DACH2: variants seen among roughly 807,000 people sequenced by gnomAD.
DACH2 encodes the protein dachshund family transcription factor 2, also known as dachshund homolog 2.
DACH2 carries 17 observed loss-of-function variants against 35.8 expected under a neutral mutation model. That is an observed-to-expected ratio of 0.48 (90% CI 0.33 to 0.71). DACH2 has a LOEUF of 0.71. DACH2 is among the 30% of genes least tolerant of loss of function. DACH2 has a pLI of 0.02. For missense variants in DACH2, 469 were observed against 472.7 expected, an observed-to-expected ratio of 0.99 and a Z score of 0.07; for synonymous variants, 195 against 177.3, an observed-to-expected ratio of 1.10 and a Z score of -0.79.
chrX:86,569,514 A>G (rs1222164880), intron 3 of DACH2, among the ~76,000 whole-genome samples: 1 of 111,467 alleles, frequency 9.0e-6, no homozygotes, highest in Non-Finnish European at 1.9e-5. Flanking sequence ...TGAGCTCCAG[A>G]TTATACGTTC....
At chrX:86,680,809 A>AT (rs1043887869) in intron 4 of DACH2, among the ~76,000 whole-genome samples, 5 of 108,524 alleles carry the variant, frequency 4.6e-5, no homozygotes, top group Non-Finnish European at 9.6e-5. Context: ...ATGGCTGGCT[A>AT]TTTTTTTAAT....
chrX:86,291,980 G>C (rs2034308653), intron 1 of DACH2, among the ~76,000 whole-genome samples: 2 of 69,236 alleles, frequency 2.9e-5, no homozygotes, highest in South Asian at 8.7e-4. Flanking sequence ...CTATTGATTG[G>C]AATAGTTTCA....
chrX:86,274,638 G>T (rs866509209), intron 1 of DACH2, among the ~76,000 whole-genome samples: 164 of 107,621 alleles, frequency 1.5e-3, no homozygotes, highest in Middle Eastern at 0.014. Flanking sequence ...GGGACTACAG[G>T]TGCCTGCCAC....
chrX:86,755,658 C>T lies in DACH2; in HGVS notation c.1240+15776C>T, dbSNP rs922765593. Among the ~76,000 whole-genome samples, 34 of 98,910 alleles carry T rather than the reference C, an allele frequency of 3.4e-4. 1 individual carries two copies. The highest frequency in any genetic ancestry group is 0.011 in the Middle Eastern group (2 of 185). The allele number at this position is 98,910 out of a possible 115,157, so 85.9% of individuals were successfully genotyped here. A position where few individuals can be genotyped will look rare whatever the true frequency, so the allele number is the denominator to read the frequency against. ...TGTCGCCCAGGCTGGAGTGCAGTGA[C>T]GTGATCTCGGCTCACTGCAAGCTCT... On this transcript the variant is annotated intron_variant, in intron 7 of 11. Transcript: ENST00000373125.
At chrX:86,533,807 C>A (rs1003699760) in intron 3 of DACH2, among the ~76,000 whole-genome samples, 6 of 111,311 alleles carry the variant, frequency 5.4e-5, no homozygotes, top group Non-Finnish European at 1.1e-4. Flanking sequence ...GCCATTACTT[C>A]TATGCCATTT....
At chrX:86,411,876 A>G (rs1206823525) in intron 2 of DACH2, among the ~76,000 whole-genome samples, 1 of 110,971 alleles carries the variant, frequency 9.0e-6, no homozygotes, top group Non-Finnish European at 1.9e-5. Flanking sequence ...TTTCCCTGGT[A>G]ACATGACCCA....
At chrX:86,699,413 T>C (rs1170490530) in intron 5 of DACH2, among the ~76,000 whole-genome samples, 1 of 111,698 alleles carries the variant, frequency 9.0e-6, no homozygotes, top group Non-Finnish European at 1.9e-5. Flanking sequence ...CTCACAATCA[T>C]GGTGGAAGGC....
At chrX:86,405,540 A>G (rs1170221693) in intron 2 of DACH2, among the ~76,000 whole-genome samples, 1 of 111,404 alleles carries the variant, frequency 9.0e-6, no homozygotes, top group Non-Finnish European at 1.9e-5. Flanking sequence ...AAGCCATTCA[A>G]CAAGTCTCTA....
At chrX:86,774,838 G>C (rs1394963353) in intron 7 of DACH2, among the ~76,000 whole-genome samples, 1 of 112,112 alleles carries the variant, frequency 8.9e-6, no homozygotes, top group East Asian at 2.8e-4. Context: ...TTGTGCGTCA[G>C]TGATGAATAT....
At chrX:86,300,235 G>A (rs1007379453) in intron 1 of DACH2, among the ~76,000 whole-genome samples, 3 of 106,921 alleles carry the variant, frequency 2.8e-5, no homozygotes, top group African/African-American at 1.0e-4. Flanking sequence ...ACTTCTTTGC[G>A]AAAAAAAAAA....
intron 6 of DACH2, among the ~76,000 whole-genome samples, chrX:86,734,013 G>A (rs2029943247): frequency 1.1e-5 from 1 of 95,071 alleles, no homozygotes; most frequent in Non-Finnish European, 2.1e-5. Context: ...TGTTAGTTTG[G>A]GTGGGTGGGT....
intron 2 of DACH2, among the ~76,000 whole-genome samples, chrX:86,491,936 T>C (rs983470613): frequency 8.9e-6 from 1 of 111,816 alleles, no homozygotes; most frequent in Non-Finnish European, 1.9e-5. Context: ...AGTCATATAA[T>C]TAATACATGT....
At chrX:86,332,480 A>G (rs1334017426) in intron 1 of DACH2, among the ~76,000 whole-genome samples, 1 of 111,918 alleles carries the variant, frequency 8.9e-6, no homozygotes, top group East Asian at 2.8e-4. Flanking sequence ...ATTGAACTCA[A>G]CTTCTTAATG....
At chrX:86,500,725 C>T (rs2038238283) in intron 2 of DACH2, among the ~76,000 whole-genome samples, 1 of 111,585 alleles carries the variant, frequency 9.0e-6, no homozygotes, top group Non-Finnish European at 1.9e-5. Flanking sequence ...GAGGAAGCGA[C>T]TCTAAGATTA....
intron 2 of DACH2, among the ~76,000 whole-genome samples, chrX:86,476,743 G>A (rs1030914077): frequency 9.0e-6 from 1 of 111,439 alleles, no homozygotes; most frequent in Non-Finnish European, 1.9e-5. Flanking sequence ...TTGTTAGGTT[G>A]TGTATTTGAA....
intron 1 of DACH2, among the ~76,000 whole-genome samples, chrX:86,359,105 GTGTGTGTGTT>G (rs1473307111): frequency 1.8e-5 from 2 of 108,750 alleles, no homozygotes; most frequent in Non-Finnish European, 3.8e-5. Flanking sequence ...GTGTGTGTGT[GTGTGTGTGTT>G]TGTGTGTGCA....
intron 1 of DACH2, among the ~76,000 whole-genome samples, chrX:86,197,289 A>G (rs2032017319): frequency 8.9e-6 from 1 of 112,023 alleles, no homozygotes; most frequent in Non-Finnish European, 1.9e-5. Flanking sequence ...AAAGACTGTT[A>G]CCAGCCCTTG....
At chrX:86,281,553 G>C (rs931475956) in intron 1 of DACH2, among the ~76,000 whole-genome samples, 2 of 111,538 alleles carry the variant, frequency 1.8e-5, no homozygotes, top group Non-Finnish European at 3.8e-5. Context: ...CGTACTGAAT[G>C]GGCAAAAGCT....
At chrX:86,461,681 A>C (rs1466850188) in intron 2 of DACH2, among the ~76,000 whole-genome samples, 1 of 111,677 alleles carries the variant, frequency 9.0e-6, no homozygotes, top group African/African-American at 3.2e-5. Flanking sequence ...TGACCCATGT[A>C]AAATCAACAT....
Sources: gnomAD v4.1 joint callset for allele counts (sites outside exome capture counted in the v4.1 genomes callset) on GRCh38, gnomAD v4.1.1 for gene constraint, MANE v1.5 for transcripts, NCBI Gene and HGNC (gene_info 2026-07-23, HGNC 2026-07-21) for gene names.